Variants in ZNF407 observed in about 807,000 individuals in gnomAD.
The protein encoded by ZNF407 is zinc finger protein 407.
Under a neutral mutation model 131.2 loss-of-function variants are expected in ZNF407, and 17 were observed. The observed-to-expected ratio is 0.13, with a 90% confidence interval of 0.09 to 0.19. The LOEUF (loss-of-function observed/expected upper bound fraction) is 0.19. Ranked by LOEUF, ZNF407 falls within the 10% of genes least tolerant of loss-of-function variation. The pLI, the probability that ZNF407 is intolerant of heterozygous loss-of-function variation, is 1.00. For synonymous variants in ZNF407, 1,156 were observed against 1,062.0 expected (o/e 1.09, Z -1.72); for missense variants, 2,681 against 2,830.6 (o/e 0.95, Z 1.20).
intron 3 of ZNF407, among the ~76,000 whole-genome samples, chr18:74,675,600 T>A (rs1386457374): frequency 6.6e-6 from 1 of 152,196 alleles, no homozygotes; most frequent in African/African-American, 2.4e-5. Flanking sequence ...AAGCTTTCTG[T>A]CTTTTCTGTG....
intron 3 of ZNF407, among the ~76,000 whole-genome samples, chr18:74,649,538 A>C (rs1985131665): frequency 6.6e-6 from 1 of 152,258 alleles, no homozygotes; most frequent in Non-Finnish European, 1.5e-5. Flanking sequence ...TAAATATTAA[A>C]GACATTTTAG....
chr18:74,767,571 A>C (rs1449885233), intron 3 of ZNF407, among the ~76,000 whole-genome samples: 1 of 151,890 alleles, frequency 6.6e-6, no homozygotes, highest in Non-Finnish European at 1.5e-5. Context: ...GACACAGAGG[A>C]TATATTATCT....
chr18:75,024,002 G>T (rs1209964693), intron 8 of ZNF407, among the ~76,000 whole-genome samples: 4 of 152,144 alleles, frequency 2.6e-5, no homozygotes, highest in Non-Finnish European at 5.9e-5. Context: ...AGAGGCCTGG[G>T]TTTGAGGAAG....
At chr18:74,781,524 TC>T in intron 4 of ZNF407, 22 bp downstream of exon 4, 2 of 1,479,338 alleles carry the variant, frequency 1.4e-6, no homozygotes, top group Non-Finnish European at 1.8e-6. Flanking sequence ...TCTTTTTTTT[TC>T]ATTTAAAAAT....
chr18:74,661,859 G>T (rs982161994), intron 3 of ZNF407, among the ~76,000 whole-genome samples: 1 of 152,154 alleles, frequency 6.6e-6, no homozygotes, highest in African/African-American at 2.4e-5. Context: ...CGGCCATTTT[G>T]ATATAGCTGT....
intron 4 of ZNF407, among the ~76,000 whole-genome samples, chr18:74,793,028 A>G (rs1969854784): frequency 6.6e-6 from 1 of 152,260 alleles, no homozygotes; most frequent in African/African-American, 2.4e-5. Context: ...TTCCTAAGAC[A>G]TGCAACTTAA....
intron 7 of ZNF407, among the ~76,000 whole-genome samples, chr18:74,919,910 A>G (rs959041948): frequency 1.3e-5 from 2 of 152,180 alleles, no homozygotes; most frequent in African/African-American, 4.8e-5. Flanking sequence ...CGTGGAATAT[A>G]TGGGCCCTCC....
intron 8 of ZNF407, among the ~76,000 whole-genome samples, chr18:74,997,463 C>A (rs528467832): frequency 1.3e-5 from 2 of 152,064 alleles, no homozygotes; most frequent in African/African-American, 4.8e-5. Flanking sequence ...AAAATACAGC[C>A]TCTTGAAAAA....
At chr18:75,059,990 C>CA (rs1973606359) in intron 8 of ZNF407, among the ~76,000 whole-genome samples, 5 of 152,170 alleles carry the variant, frequency 3.3e-5, no homozygotes, top group Admixed American at 3.3e-4. Context: ...GCTCTGTCCC[C>CA]AGACACGTGC....
intron 3 of ZNF407, among the ~76,000 whole-genome samples, chr18:74,755,728 C>CCTTTCTCTCTTTCTTT (rs1968926548): frequency 1.6e-5 from 1 of 63,468 alleles, no homozygotes; most frequent in South Asian, 9.2e-4. Context: ...TTCTTTCTTT[C>CCTTTCTCTCTTTCTTT]CTTTCTTTCT....
chr18:74,661,851 G>T (rs1054337191), intron 3 of ZNF407, among the ~76,000 whole-genome samples: 1 of 152,166 alleles, frequency 6.6e-6, no homozygotes, highest in East Asian at 1.9e-4. Flanking sequence ...GAGTGCTGCG[G>T]CCATTTTGAT....
chr18:74,651,024 G>C (rs1288203303), intron 3 of ZNF407, among the ~76,000 whole-genome samples: 1 of 151,824 alleles, frequency 6.6e-6, no homozygotes, highest in Non-Finnish European at 1.5e-5. Flanking sequence ...TAGAAATTTT[G>C]GTGTTTATGT....
intron 8 of ZNF407, among the ~76,000 whole-genome samples, chr18:74,924,299 A>G (rs1971884525): frequency 6.6e-6 from 1 of 152,012 alleles, no homozygotes; most frequent in Non-Finnish European, 1.5e-5. Context: ...AGTCTCTTCT[A>G]TGAGTTGTAT....
At chr18:74,811,163 C>CT (rs1374014568) in intron 4 of ZNF407, among the ~76,000 whole-genome samples, 1 of 149,480 alleles carries the variant, frequency 6.7e-6, no homozygotes, top group Non-Finnish European at 1.5e-5. Flanking sequence ...ACAATGAACT[C>CT]TAACAAATTT....
intron 3 of ZNF407, among the ~76,000 whole-genome samples, chr18:74,719,721 C>T (rs958983259): frequency 2.0e-5 from 3 of 152,158 alleles, no homozygotes; most frequent in Admixed American, 6.6e-5. Flanking sequence ...TACTTCTATG[C>T]GATCATCTTT....
chr18:74,852,191 ACACACACG>A (rs71170325), intron 4 of ZNF407, among the ~76,000 whole-genome samples: 7,223 of 74,214 alleles, frequency 0.097, 187 homozygotes, highest in South Asian at 0.19. Flanking sequence ...ACACACACAC[ACACACACG>A]CACGCACGCA....
At chr18:75,037,601 C>T (rs1191577028) in intron 8 of ZNF407, among the ~76,000 whole-genome samples, 2 of 151,760 alleles carry the variant, frequency 1.3e-5, no homozygotes, top group South Asian at 2.1e-4. Flanking sequence ...TAATGAAGCC[C>T]GTCCGTCTCA....
At chr18:74,706,239 A>C (rs1967620848) in intron 3 of ZNF407, among the ~76,000 whole-genome samples, 1 of 152,182 alleles carries the variant, frequency 6.6e-6, no homozygotes, top group African/African-American at 2.4e-5. Context: ...ATTCTAGTTC[A>C]CTGTCTTTTC....
intron 3 of ZNF407, among the ~76,000 whole-genome samples, chr18:74,689,166 A>G (rs1320679867): frequency 6.6e-6 from 1 of 151,998 alleles, no homozygotes; most frequent in Non-Finnish European, 1.5e-5. Flanking sequence ...CATTTCTTTC[A>G]TCAGTGTTTT....
Sources: allele counts gnomAD v4.1 joint callset (sites outside exome capture counted in the v4.1 genomes callset), GRCh38; gene constraint gnomAD v4.1.1; transcripts MANE v1.5; gene names NCBI Gene and HGNC (gene_info 2026-07-23, HGNC 2026-07-21).